Variants in ATP7A observed in about 807,000 individuals in gnomAD.
The protein encoded by ATP7A is copper-transporting ATPase 1.
A neutral mutation model predicts 83.5 loss-of-function variants in ATP7A; 7 were observed. The observed-to-expected ratio is 0.08, with a 90% confidence interval of 0.05 to 0.16. The LOEUF (loss-of-function observed/expected upper bound fraction) is 0.16. ATP7A is among the 10% of genes least tolerant of loss of function. The pLI is 1.00. For synonymous variants in ATP7A, 354 were observed against 395.2 expected, an observed-to-expected ratio of 0.90 and a Z score of 1.24; for missense variants, 940 against 1,120.8, an observed-to-expected ratio of 0.84 and a Z score of 2.30.
At chrX:77,956,726 CCTTT>C (rs202001825) in intron 1 of ATP7A, among the ~76,000 whole-genome samples, 7,513 of 73,641 alleles carry the variant, frequency 0.1, 321 homozygotes, top group East Asian at 0.12. Context: ...TACCCAGTCT[CCTTT>C]CTTTCTTTCT....
At chrX:77,915,476 G>T (rs1393784026) in intron 1 of ATP7A, among the ~76,000 whole-genome samples, 3 of 110,967 alleles carry the variant, frequency 2.7e-5, no homozygotes, top group East Asian at 5.6e-4. Flanking sequence ...CTAAAATGGG[G>T]ACAATAACAG....
chrX:77,995,904 C>T (rs1244092551), intron 4 of ATP7A, among the ~76,000 whole-genome samples: 2 of 110,879 alleles, frequency 1.8e-5, no homozygotes, highest in African/African-American at 6.5e-5. Flanking sequence ...CCACCATGCC[C>T]GGCTAATTTT....
rs190757828 is a variant in ATP7A, at chrX:77,992,670, G to A, written c.1336+2712G>A. Among the ~76,000 whole-genome samples the A allele has an allele frequency of 3.3e-4, 37 of 110,870 alleles. 1 individual carries two copies. Among genetic ancestry groups the A allele is most frequent in the Admixed American group, 3.0e-3 (31 of 10,460 alleles). ...TCTTTCACCCAGGCTGAAGTGCAAT[G>A]GCATGATCTCGGCTCACTGCAACCT... On this transcript the variant is annotated intron_variant, in intron 4 of 22. Transcript: ENST00000341514.
chrX:78,029,482 A>T, intron 15 of ATP7A, 38 bp downstream of exon 15: 1 of 1,134,982 alleles, frequency 8.8e-7, no homozygotes, highest in Non-Finnish European at 1.2e-6. Context: ...GTACCACCAA[A>T]CTATCAATAG....
chrX:77,969,778 TTAGA>T (rs2077535673), intron 1 of ATP7A: 1 of 740,504 alleles, frequency 1.4e-6, no homozygotes. Context: ...ATGGGATATA[TTAGA>T]TTGATTTATA....
At chrX:77,946,050 A>G (rs994003655) in intron 1 of ATP7A, among the ~76,000 whole-genome samples, 1 of 111,399 alleles carries the variant, frequency 9.0e-6, no homozygotes, top group Non-Finnish European at 1.9e-5. Context: ...CTGTAATCAC[A>G]GCACTTTGGG....
intron 9 of ATP7A, among the ~76,000 whole-genome samples, chrX:78,012,590 TAAAAAAAAAAA>T (rs782360257): frequency 1.2e-5 from 1 of 81,348 alleles, no homozygotes; most frequent in Non-Finnish European, 2.4e-5. Flanking sequence ...GACTGTCTCT[TAAAAAAAAAAA>T]AAAAAAAAAG....
intron 17 of ATP7A, among the ~76,000 whole-genome samples, chrX:78,038,102 G>A (rs1823045482): frequency 9.5e-6 from 1 of 105,050 alleles, no homozygotes; most frequent in African/African-American, 3.5e-5. Context: ...AAAGGAGCGG[G>A]GGTGTCTAGT....
chrX:78,039,925 A>G (rs1378571100), intron 18 of ATP7A, among the ~76,000 whole-genome samples: 4 of 111,658 alleles, frequency 3.6e-5, no homozygotes, highest in African/African-American at 9.8e-5. Context: ...GCTATTCCTA[A>G]TATTTCACTA....
At chrX:77,965,595 C>G (rs1322414481) in intron 1 of ATP7A, among the ~76,000 whole-genome samples, 1 of 111,431 alleles carries the variant, frequency 9.0e-6, no homozygotes, top group Non-Finnish European at 1.9e-5. Flanking sequence ...AACAGTCTGG[C>G]AGATCCTCAA....
intron 18 of ATP7A, among the ~76,000 whole-genome samples, chrX:78,039,596 A>G (rs1480712677): frequency 9.0e-6 from 1 of 111,674 alleles, no homozygotes; most frequent in Non-Finnish European, 1.9e-5. Flanking sequence ...GGCCTCCCAA[A>G]GTGCTGGGAT....
In ATP7A at chrX:77,971,760, A is replaced by C. The variant is rs1557229686; in HGVS notation, c.119A>C (p.Lys40Thr). The C allele has an allele frequency of 4.1e-6, 5 of 1,209,410 alleles. No homozygotes were observed. Among genetic ancestry groups the C allele is most frequent in the Admixed American group, 4.4e-5 (2 of 45,719 alleles). The change falls in exon 2 of 23, where the codon AAG (lysine) becomes ACG (threonine). Residue 40 changes from lysine to threonine, a missense_variant and splice_region_variant. Around this residue, in one of 3 missense-constraint regions of ATP7A, gnomAD observed 350 missense variants for 432.8 expected, o/e 0.81. Transcript: ENST00000341514. ...IGKVNGVHHI[K>T]VSLEEKNATI... Reference sequence around the variant, plus strand: ...AAAGTGAATGGTGTGCATCACATTAAGGTAAGTTACTCTTTGGAAACTGAA... The same window carrying C: ...AAAGTGAATGGTGTGCATCACATTACGGTAAGTTACTCTTTGGAAACTGAA...
intron 7 of ATP7A, among the ~76,000 whole-genome samples, chrX:78,010,507 G>A (rs1158961658): frequency 9.6e-6 from 1 of 103,681 alleles, no homozygotes; most frequent in African/African-American, 3.5e-5. Flanking sequence ...TTCTTTTTCT[G>A]ATAAAACAAG....
chrX:78,027,547 A>G (rs1400076573), intron 14 of ATP7A, among the ~76,000 whole-genome samples: 2 of 112,027 alleles, frequency 1.8e-5, no homozygotes, highest in South Asian at 3.7e-4. Flanking sequence ...TAGATTCAAC[A>G]CAATTCCTAT....
chrX:78,005,607 C>T (rs1373435052), intron 6 of ATP7A, among the ~76,000 whole-genome samples: 6 of 92,332 alleles, frequency 6.5e-5, no homozygotes, highest in South Asian at 6.2e-4. Context: ...CACTTGAACC[C>T]GGGAGGTGGA....
intron 1 of ATP7A, among the ~76,000 whole-genome samples, chrX:77,967,526 T>G (rs1026462690): frequency 8.9e-6 from 1 of 112,297 alleles, no homozygotes; most frequent in Non-Finnish European, 1.9e-5. Context: ...TTTTTTCATA[T>G]GTTTGTTGGC....
chrX:78,005,176 A>G (rs1307246746), intron 6 of ATP7A, among the ~76,000 whole-genome samples: 2 of 111,900 alleles, frequency 1.8e-5, no homozygotes, highest in Non-Finnish European at 3.8e-5. Context: ...TCGGACATAC[A>G]GAAAAGTCAG....
At chrX:77,981,003 ATG>A (rs1206590481) in intron 2 of ATP7A, among the ~76,000 whole-genome samples, 9 of 112,482 alleles carry the variant, frequency 8.0e-5, no homozygotes, top group African/African-American at 2.6e-4. Flanking sequence ...TATATACTTG[ATG>A]TGTGTGTGTC....
At chrX:77,988,143 A>T in intron 2 of ATP7A, 99 bp from the exon 3 acceptor site, 1 of 924,691 alleles carries the variant, frequency 1.1e-6, no homozygotes, top group African/African-American at 2.0e-5. Flanking sequence ...CATTAGATTG[A>T]GTTGTCTCAC....
Sources: gnomAD v4.1 joint callset for allele counts (sites outside exome capture counted in the v4.1 genomes callset) on GRCh38, gnomAD v4.1.1 for gene constraint, gnomAD v4.1.1 regional missense constraint, MANE v1.5 for transcripts, NCBI Gene and HGNC (gene_info 2026-07-23, HGNC 2026-07-21) for gene names.